The following DLG2 variants were observed in gnomAD, a reference collection of about 807,000 sequenced individuals.
The protein encoded by DLG2 is disks large homolog 2.
In DLG2, 45 loss-of-function variants were observed where a neutral mutation model predicts 132.5. The ratio of observed to expected loss-of-function variants is 0.34; its 90% CI spans 0.27 to 0.44. DLG2 has a LOEUF of 0.44. Ranked by LOEUF, DLG2 falls within the 20% of genes least tolerant of loss-of-function variation. The probability of loss-of-function intolerance (pLI) is 1.00; values close to 1 mark genes in which losing one functional copy is unlikely to be tolerated. For synonymous variants in DLG2, 424 were observed against 419.6 expected (o/e 1.01, Z -0.13); for missense variants, 1,045 against 1,196.9 (o/e 0.87, Z 1.87).
At chr11:83,569,948 A>C (rs1004295773) in intron 19 of DLG2, among the ~76,000 whole-genome samples, 1 of 152,196 alleles carries the variant, frequency 6.6e-6, no homozygotes, top group Non-Finnish European at 1.5e-5. Context: ...GACATGTTGA[A>C]TGAGAGTCAG....
chr11:83,618,100 T>C (rs2061106878), intron 19 of DLG2, among the ~76,000 whole-genome samples: 1 of 152,220 alleles, frequency 6.6e-6, no homozygotes, highest in African/African-American at 2.4e-5. Context: ...TTTTATTGAA[T>C]GGTTTTCCTG....
At chr11:83,503,369 TTATATATATATATATATATATATA>T (rs34969401) in intron 21 of DLG2, among the ~76,000 whole-genome samples, 1,335 of 90,718 alleles carry the variant, frequency 0.015, 85 homozygotes, top group African/African-American at 0.051. Flanking sequence ...ACACACCCAT[TTATATATATATATATATATATATA>T]TATATATATA....
At chr11:84,235,164 C>A (rs1299548439) in intron 8 of DLG2, among the ~76,000 whole-genome samples, 2 of 152,192 alleles carry the variant, frequency 1.3e-5, no homozygotes, top group East Asian at 1.9e-4. Flanking sequence ...TGAAAGCCCA[C>A]CCCCTACTCT....
chr11:84,304,724 ATTC>A (rs1176115449), intron 7 of DLG2, among the ~76,000 whole-genome samples: 1 of 152,220 alleles, frequency 6.6e-6, no homozygotes, highest in Non-Finnish European at 1.5e-5. Context: ...CTGAAATATT[ATTC>A]TTTTGATTTT....
rs1439886874 is a variant in DLG2 at position 83,790,148 on chromosome 11, A to C, written c.1723-3356T>G. The C allele has an allele frequency of 3.5e-6, 3 of 851,494 alleles. No individual in the cohort carries two copies. The African/African-American group carries it at 5.2e-5, about 15-fold the overall frequency. 52.7% of individuals were successfully genotyped at this position (851,494 alleles called of 1,614,324 possible). A position where few individuals can be genotyped will look rare whatever the true frequency, so the allele number is the denominator to read the frequency against. ...GACAAGGTAAGTTGCAGATCCAGGC[A>C]GCTGAGACCTTGAATAACAAAAAGT... On this transcript the variant is annotated intron_variant, in intron 17 of 27. Coordinates refer to ENST00000376104, the MANE Select transcript of DLG2 (RefSeq NM_001142699.3).
Position 84,269,215 on chromosome 11 carries a change from A to T in DLG2, c.520-17924T>A, listed in dbSNP as rs145466436. On this transcript the variant is annotated intron_variant, in intron 7 of 27. Coordinates refer to ENST00000376104, the MANE Select transcript of DLG2 (RefSeq NM_001142699.3). The stretch of plus-strand genomic sequence containing the variant: ...ATGTCTGTCCCCACCACTAGAAGGT[A>T]AATACCCCCAGGGCAAGGTTTGACT... 3.4e-4 allele frequency among the ~76,000 whole-genome samples: 52 copies of T among 152,348 alleles called. No individual in the cohort carries two copies. The East Asian group carries it at 9.5e-3, about 28-fold the overall frequency.
At chr11:84,392,019 T>C (rs1289411296) in intron 7 of DLG2, among the ~76,000 whole-genome samples, 1 of 152,170 alleles carries the variant, frequency 6.6e-6, no homozygotes, top group African/African-American at 2.4e-5. Flanking sequence ...ATCTATACAA[T>C]AGGGATTTGG....
intron 7 of DLG2, among the ~76,000 whole-genome samples, chr11:84,355,697 GA>G (rs2098607257): frequency 6.6e-6 from 1 of 152,022 alleles, no homozygotes; most frequent in African/African-American, 2.4e-5. Context: ...GTAAGATGAA[GA>G]ATCAGAAATT....
At chr11:85,319,086 T>A (rs1208691610) in intron 3 of DLG2, among the ~76,000 whole-genome samples, 5 of 151,922 alleles carry the variant, frequency 3.3e-5, no homozygotes, top group Admixed American at 6.6e-5. Context: ...AATGACTCTA[T>A]CTGTAACTTC....
intron 6 of DLG2, among the ~76,000 whole-genome samples, chr11:84,932,935 C>T (rs752897150): frequency 2.0e-5 from 3 of 152,264 alleles, no homozygotes; most frequent in East Asian, 1.9e-4. Flanking sequence ...GAGGAATCAC[C>T]GTAATATCTT....
In DLG2 at chr11:83,635,963, G is replaced by A. The variant is rs118047401; in HGVS notation, c.1826-2638C>T. On this transcript the variant is annotated intron_variant, in intron 18 of 27. Transcript: ENST00000376104. ...CCCAGAGAAGAAAAGGGCCTTGTCTGGAACACAGATCAAGAACTCTTAACT... is the reference window on the plus strand; with the variant it reads ...CCCAGAGAAGAAAAGGGCCTTGTCTAGAACACAGATCAAGAACTCTTAACT... Among the ~76,000 whole-genome samples, 939 of 152,152 alleles carry A rather than the reference G, an allele frequency of 6.2e-3. 13 individuals carry two copies. Among genetic ancestry groups the A allele is most frequent in the Non-Finnish European group, 8.0e-3 (542 of 67,986 alleles).
chr11:85,030,817 A>C (rs1035250821), intron 6 of DLG2, among the ~76,000 whole-genome samples: 16 of 151,774 alleles, frequency 1.1e-4, no homozygotes, highest in African/African-American at 3.6e-4. Flanking sequence ...GATTCATTTT[A>C]TTGTTCCTTT....
At position 84,180,210 on chromosome 11, in the gene DLG2, A is replaced by C. The variant is rs763983349; in HGVS notation, c.574-16699T>G. 5.0e-4 allele frequency among the ~76,000 whole-genome samples: 76 copies of C among 152,264 alleles called. No individual in the cohort carries two copies. The Middle Eastern group carries it at 0.01, about 20-fold the overall frequency. On this transcript the variant is annotated intron_variant, in intron 8 of 27. Transcript: ENST00000376104. ...ACATTCTAGGAAGGAATAAAAATGG[A>C]ATGCTGGAGGTAATATAGTAAAGAA... is the stretch of plus-strand genomic sequence containing the variant.
chr11:85,077,241 G>T (rs187474219), intron 6 of DLG2, among the ~76,000 whole-genome samples: 2 of 152,116 alleles, frequency 1.3e-5, no homozygotes, highest in Non-Finnish European at 2.9e-5. Flanking sequence ...TTGTGGTTAG[G>T]GTTAGAGTTT....
intron 2 of DLG2, among the ~76,000 whole-genome samples, chr11:85,609,971 G>A (rs948249971): frequency 6.6e-6 from 1 of 152,166 alleles, no homozygotes; most frequent in Non-Finnish European, 1.5e-5. Flanking sequence ...TTATTAGGGA[G>A]GGATATATTA....
intron 22 of DLG2, chr11:83,480,562 A>C: frequency 6.5e-7 from 1 of 1,542,270 alleles, no homozygotes. Context: ...AACTCAGATA[A>C]GATAAAGAAG....
intron 18 of DLG2, among the ~76,000 whole-genome samples, chr11:83,710,179 T>C (rs950011886): frequency 8.0e-4 from 122 of 151,966 alleles, no homozygotes; most frequent in Non-Finnish European, 1.6e-3. Flanking sequence ...TTTTTTTTTT[T>C]TGAGACTGAG....
At position 83,973,245 on chromosome 11, in the gene DLG2, T is replaced by C. The variant is rs185320586; in HGVS notation, c.1056+7261A>G. 2.0e-4 allele frequency among the ~76,000 whole-genome samples: 30 copies of C among 148,118 alleles called. No individual in the cohort carries two copies. In the East Asian group the frequency reaches 5.6e-3, roughly 28 times the overall value. On this transcript the variant is annotated intron_variant, in intron 12 of 27. Transcript: ENST00000376104. ...TAGTGGCAACCTTTGGAGTGTGCTA[T>C]TAAGATAATTTTAAAATGACAGCAA...
At chr11:85,510,429 A>G (rs181666484) in intron 3 of DLG2, among the ~76,000 whole-genome samples, 15 of 152,320 alleles carry the variant, frequency 9.8e-5, no homozygotes, top group African/African-American at 3.4e-4. Context: ...CAGAGTGAAC[A>G]GGCAACCTAC....
Sources: allele counts gnomAD v4.1 joint callset (sites outside exome capture counted in the v4.1 genomes callset), GRCh38; gene constraint gnomAD v4.1.1; transcripts MANE v1.5; gene names NCBI Gene and HGNC (gene_info 2026-07-23, HGNC 2026-07-21).